MED27: variants seen among roughly 807,000 people sequenced by gnomAD.
MED27 encodes mediator complex subunit 27.
A neutral mutation model predicts 38.2 loss-of-function variants in MED27; 30 were observed. The ratio of observed to expected loss-of-function variants is 0.79; its 90% CI spans 0.59 to 1.07. The LOEUF (loss-of-function observed/expected upper bound fraction) is 1.07. Ranked by LOEUF, MED27 falls within the 50% of genes least tolerant of loss-of-function variation. The pLI is 0.00. For missense variants in MED27, 289 were observed against 397.5 expected, an observed-to-expected ratio of 0.73 and a Z score of 2.32; for synonymous variants, 122 against 153.5, an observed-to-expected ratio of 0.79 and a Z score of 1.52.
intron 2 of MED27, among the ~76,000 whole-genome samples, chr9:132,064,902 A>C (rs1833776312): frequency 6.6e-6 from 1 of 152,172 alleles, no homozygotes; most frequent in Non-Finnish European, 1.5e-5. Context: ...AAACTAGAAA[A>C]GACAAGCAGT....
intron 3 of MED27, among the ~76,000 whole-genome samples, chr9:131,984,655 C>T (rs955138242): frequency 2.6e-5 from 4 of 152,186 alleles, no homozygotes; most frequent in African/African-American, 9.7e-5. Flanking sequence ...GGTGTCATTT[C>T]AGCTAAAAAC....
At chr9:132,013,302 T>C (rs2131075293) in intron 3 of MED27, among the ~76,000 whole-genome samples, 1 of 152,306 alleles carries the variant, frequency 6.6e-6, no homozygotes, top group African/African-American at 2.4e-5. Flanking sequence ...TGATGTTGAG[T>C]GAAAAGAAGC....
At chr9:131,922,181 A>G (rs1830404906) in intron 4 of MED27, among the ~76,000 whole-genome samples, 1 of 151,784 alleles carries the variant, frequency 6.6e-6, no homozygotes, top group African/African-American at 2.4e-5. Flanking sequence ...TAAAAAATAA[A>G]ATAAAATAAA....
intron 3 of MED27, among the ~76,000 whole-genome samples, chr9:131,978,719 GC>G (rs1318684579): frequency 1.3e-5 from 2 of 152,202 alleles, no homozygotes; most frequent in Admixed American, 6.5e-5. Context: ...GACTGTCCAA[GC>G]ATGGTTTCAC....
At chr9:131,904,539 C>T (rs7018480) in intron 4 of MED27, among the ~76,000 whole-genome samples, 23 of 150,624 alleles carry the variant, frequency 1.5e-4, no homozygotes, top group Middle Eastern at 3.4e-3. Flanking sequence ...AAATAGAGAT[C>T]GGGGGGGAGC....
chr9:132,001,954 TA>T (rs1266532796), intron 3 of MED27, among the ~76,000 whole-genome samples: 4 of 152,238 alleles, frequency 2.6e-5, no homozygotes, highest in African/African-American at 9.6e-5. Context: ...CGTAAGATTC[TA>T]ATGTGTAGCT....
At chr9:131,892,826 T>A (rs1287219958) in intron 5 of MED27, among the ~76,000 whole-genome samples, 1 of 152,218 alleles carries the variant, frequency 6.6e-6, no homozygotes, top group African/African-American at 2.4e-5. Flanking sequence ...CAAAGACATT[T>A]GGTTTTTCCA....
intron 3 of MED27, among the ~76,000 whole-genome samples, chr9:131,981,347 CAT>C (rs557364597): frequency 1.5e-3 from 228 of 152,110 alleles, no homozygotes; most frequent in Non-Finnish European, 1.7e-3. Context: ...TGGCGTAAGA[CAT>C]GTGTAAAGCC....
chr9:131,871,876 C>T (rs1481472329), intron 6 of MED27, among the ~76,000 whole-genome samples: 1 of 152,194 alleles, frequency 6.6e-6, no homozygotes, highest in Non-Finnish European at 1.5e-5. Flanking sequence ...TGAATACTTT[C>T]AACTTGGGGT....
At chr9:131,914,105 A>G (rs1830242159) in intron 4 of MED27, among the ~76,000 whole-genome samples, 1 of 152,250 alleles carries the variant, frequency 6.6e-6, no homozygotes, top group Admixed American at 6.5e-5. Context: ...GGATGAGGGC[A>G]GAGGGCAGGG....
chr9:131,961,985 TGAGAGGATAGCTA>T (rs1831225610), intron 3 of MED27, among the ~76,000 whole-genome samples: 1 of 152,174 alleles, frequency 6.6e-6, no homozygotes, highest in African/African-American at 2.4e-5. Context: ...AGAAGACAAC[TGAGAGGATAGCTA>T]GTCTAAATTT....
chr9:132,038,252 C>T (rs964295057), intron 2 of MED27, among the ~76,000 whole-genome samples: 12 of 131,722 alleles, frequency 9.1e-5, no homozygotes, highest in African/African-American at 2.7e-4. Context: ...AGTGCAGTGG[C>T]GGGATCTCGG....
At chr9:132,031,795 A>AG (rs1832969561) in intron 2 of MED27, 1 of 151,770 alleles carries the variant, frequency 6.6e-6, no homozygotes, top group African/African-American at 2.4e-5. Flanking sequence ...TATACCAGGA[A>AG]AAAAAAAACA....
At chr9:132,002,930 A>AAAAAG (rs1554765270) in intron 3 of MED27, among the ~76,000 whole-genome samples, 2 of 149,072 alleles carry the variant, frequency 1.3e-5, no homozygotes, top group Non-Finnish European at 3.0e-5. Context: ...AAAAAAAAAG[A>AAAAAG]AAAAAGAAAA....
chr9:132,017,644 CT>C (rs1296877214), intron 2 of MED27, among the ~76,000 whole-genome samples: 2 of 152,182 alleles, frequency 1.3e-5, no homozygotes, highest in African/African-American at 4.8e-5. Flanking sequence ...TCGTGATTTA[CT>C]GTTAAGTTAC....
chr9:131,934,831 G>A (rs1164933643), intron 4 of MED27, among the ~76,000 whole-genome samples: 1 of 152,162 alleles, frequency 6.6e-6, no homozygotes, highest in African/African-American at 2.4e-5. Context: ...CAAGAGGTGA[G>A]TGGGTAAAGA....
At chr9:131,910,557 C>A (rs1238694545) in intron 4 of MED27, among the ~76,000 whole-genome samples, 3 of 152,026 alleles carry the variant, frequency 2.0e-5, no homozygotes, top group Non-Finnish European at 2.9e-5. Flanking sequence ...CTGAAGGGCC[C>A]AGAGCTGAGT....
intron 4 of MED27, among the ~76,000 whole-genome samples, chr9:131,921,469 A>G (rs547410552): frequency 6.7e-6 from 1 of 149,098 alleles, no homozygotes; most frequent in South Asian, 2.2e-4. Context: ...TCAAAACCAC[A>G]ATGAGATACC....
intron 3 of MED27, among the ~76,000 whole-genome samples, chr9:131,953,784 T>C (rs1180949849): frequency 6.6e-6 from 1 of 151,916 alleles, no homozygotes; most frequent in Non-Finnish European, 1.5e-5. Context: ...GGGGTTTTTT[T>C]TCCCCCACTC....
Sources: allele counts gnomAD v4.1 joint callset (sites outside exome capture counted in the v4.1 genomes callset), GRCh38; gene constraint gnomAD v4.1.1; transcripts MANE v1.5; gene names NCBI Gene and HGNC (gene_info 2026-07-23, HGNC 2026-07-21).